The following TENM3 variants were observed in gnomAD, a reference collection of about 807,000 sequenced individuals.
TENM3 encodes the protein teneurin-3.
In TENM3, 63 loss-of-function variants were observed where a neutral mutation model predicts 255.1. That is an observed-to-expected ratio of 0.25 (90% CI 0.20 to 0.30). The LOEUF (loss-of-function observed/expected upper bound fraction) is 0.30. Among genes scored for constraint, TENM3 ranks in the 10% least tolerant of loss-of-function variants. The pLI is 1.00. For missense variants in TENM3, 2,929 were observed against 3,461.1 expected (o/e 0.85, Z 3.86); for synonymous variants, 1,306 against 1,322.3 (o/e 0.99, Z 0.27).
At chr4:181,511,497 C>T in the TENM3 span, among the ~76,000 whole-genome samples, 4 of 152,106 alleles carry the variant, frequency 2.6e-5, no homozygotes, top group African/African-American at 9.7e-5. Context: ...CTTTCCCTCC[C>T]TCGTAAGAGA....
At chr4:182,461,866 T>C (rs957819498) in intron 3 of TENM3, among the ~76,000 whole-genome samples, 1 of 152,142 alleles carries the variant, frequency 6.6e-6, no homozygotes. Flanking sequence ...ACAGCTAAGA[T>C]AGGGACAGAT....
intron 3 of TENM3, among the ~76,000 whole-genome samples, chr4:182,390,111 G>C (rs1250886830): frequency 6.6e-6 from 1 of 152,146 alleles, no homozygotes; most frequent in Non-Finnish European, 1.5e-5. Flanking sequence ...CTTTTTAAGA[G>C]TGACAGGCTG....
At chr4:181,898,986 C>A in the TENM3 span, among the ~76,000 whole-genome samples, 4 of 151,996 alleles carry the variant, frequency 2.6e-5, no homozygotes, top group Non-Finnish European at 4.4e-5. Flanking sequence ...TATTATTTAA[C>A]AATTTGTAAA....
At chr4:182,751,543 T>A (rs1323179364) in intron 19 of TENM3, among the ~76,000 whole-genome samples, 1 of 152,220 alleles carries the variant, frequency 6.6e-6, no homozygotes, top group Non-Finnish European at 1.5e-5. Flanking sequence ...AAGGTAATAT[T>A]TTTTAAGATG....
chr4:182,697,063 G>C (rs1195734460), intron 12 of TENM3, among the ~76,000 whole-genome samples: 3 of 152,166 alleles, frequency 2.0e-5, no homozygotes, highest in Non-Finnish European at 4.4e-5. Context: ...GTCAGGTCAT[G>C]TGGAAGAGCA....
At chr4:182,221,948 A>G (rs1002248933) in intron 1 of TENM3, among the ~76,000 whole-genome samples, 1 of 152,112 alleles carries the variant, frequency 6.6e-6, no homozygotes, top group African/African-American at 2.4e-5. Context: ...AAGCATCTTG[A>G]GTTTTTGCCT....
the TENM3 span, among the ~76,000 whole-genome samples, chr4:181,746,610 T>C: frequency 6.6e-6 from 1 of 152,144 alleles, no homozygotes; most frequent in Non-Finnish European, 1.5e-5. Context: ...AGCCATTTAA[T>C]TATCTACTTA....
chr4:182,051,360 T>C, the TENM3 span, among the ~76,000 whole-genome samples: 1 of 142,800 alleles, frequency 7.0e-6, no homozygotes, highest in Non-Finnish European at 1.5e-5. Context: ...AAAAAGCAAA[T>C]GAAGTTATTT....
At chr4:181,737,817 A>G in the TENM3 span, among the ~76,000 whole-genome samples, 1 of 151,732 alleles carries the variant, frequency 6.6e-6, no homozygotes, top group Non-Finnish European at 1.5e-5. Context: ...CTTAAATGCA[A>G]ATAAAAATTT....
At chr4:181,510,084 T>C in the TENM3 span, among the ~76,000 whole-genome samples, 1 of 152,212 alleles carries the variant, frequency 6.6e-6, no homozygotes, top group Non-Finnish European at 1.5e-5. Context: ...AATAGTGATA[T>C]AAATGTCTTA....
the TENM3 span, among the ~76,000 whole-genome samples, chr4:181,644,790 G>A: frequency 6.6e-6 from 1 of 152,082 alleles, no homozygotes; most frequent in South Asian, 2.1e-4. Context: ...ACTCCTTGTA[G>A]TCCAATCTCT....
the TENM3 span, among the ~76,000 whole-genome samples, chr4:181,459,310 C>T: frequency 6.6e-6 from 1 of 151,728 alleles, no homozygotes; most frequent in African/African-American, 2.4e-5. Flanking sequence ...CATGACTTGC[C>T]TTTTCACGTT....
the TENM3 span, among the ~76,000 whole-genome samples, chr4:181,937,787 T>C: frequency 2.3e-4 from 35 of 152,312 alleles, no homozygotes; most frequent in East Asian, 6.6e-3. Flanking sequence ...TGACTTTCAG[T>C]CTTGAACCTG....
At chr4:181,595,446 A>AAAAAAAAAAACAG in the TENM3 span, among the ~76,000 whole-genome samples, 141 of 145,446 alleles carry the variant, frequency 9.7e-4, 2 homozygotes, top group Non-Finnish European at 1.8e-3. Flanking sequence ...AAAAAAAAAA[A>AAAAAAAAAAACAG]AAAAAAAACA....
chr4:182,613,197 T>G (rs1408060819), intron 4 of TENM3, among the ~76,000 whole-genome samples: 1 of 152,184 alleles, frequency 6.6e-6, no homozygotes, highest in Non-Finnish European at 1.5e-5. Flanking sequence ...CATTTCCATT[T>G]AAATTTTAAT....
At chr4:181,732,729 G>T in the TENM3 span, among the ~76,000 whole-genome samples, 1 of 151,794 alleles carries the variant, frequency 6.6e-6, no homozygotes, top group South Asian at 2.1e-4. Flanking sequence ...CTCTCTCTTC[G>T]ATTATTTTTC....
chr4:181,875,885 G>GA, the TENM3 span, among the ~76,000 whole-genome samples: 3,399 of 148,980 alleles, frequency 0.023, 40 homozygotes, highest in South Asian at 0.03. Flanking sequence ...ACATCCCACA[G>GA]AAAAAAAAAA....
the TENM3 span, among the ~76,000 whole-genome samples, chr4:182,022,462 T>C: frequency 6.6e-6 from 1 of 151,582 alleles, no homozygotes; most frequent in African/African-American, 2.4e-5. Flanking sequence ...GATGCGTTCA[T>C]TAGGAGATCC....
At chr4:182,255,433 C>G (rs750990024) in intron 1 of TENM3, among the ~76,000 whole-genome samples, 1 of 152,298 alleles carries the variant, frequency 6.6e-6, no homozygotes, top group African/African-American at 2.4e-5. Context: ...CTCGTTCACT[C>G]CCCTAGCATT....
Sources: gnomAD v4.1 joint callset for allele counts (sites outside exome capture counted in the v4.1 genomes callset) on GRCh38, gnomAD v4.1.1 for gene constraint, MANE v1.5 for transcripts, NCBI Gene and HGNC (gene_info 2026-07-23, HGNC 2026-07-21) for gene names.